The following MYO5A variants were observed in gnomAD, a reference collection of about 807,000 sequenced individuals.
MYO5A encodes the protein myosin VA.
In MYO5A, 98 loss-of-function variants were observed where a neutral mutation model predicts 249.7. That is an observed-to-expected ratio of 0.39 (90% CI 0.33 to 0.46). The LOEUF is 0.46. MYO5A is among the 20% of genes least tolerant of loss of function. The pLI, the probability that MYO5A is intolerant of heterozygous loss-of-function variation, is 0.98. For missense variants in MYO5A, 1,696 were observed against 2,308.8 expected, an observed-to-expected ratio of 0.73 and a Z score of 5.44; for synonymous variants, 778 against 810.6, an observed-to-expected ratio of 0.96 and a Z score of 0.68.
At chr15:52,479,174 T>C (rs2076663235) in intron 1 of MYO5A, among the ~76,000 whole-genome samples, 1 of 151,894 alleles carries the variant, frequency 6.6e-6, no homozygotes, top group African/African-American at 2.4e-5. Flanking sequence ...GATAGAGTTT[T>C]ACCATCTTAG....
chr15:52,327,738 G>C (rs1596295749), intron 36 of MYO5A, 114 bp downstream of exon 36: 2 of 1,130,718 alleles, frequency 1.8e-6, no homozygotes, highest in Admixed American at 3.4e-5. Flanking sequence ...AATAAAAATT[G>C]GAAAGTTTTA....
intron 29 of MYO5A, among the ~76,000 whole-genome samples, chr15:52,348,308 AG>A (rs60854422): frequency 0.98 from 149,147 of 152,254 alleles, 73,131 homozygotes; most frequent in Middle Eastern, 1. Context: ...ATAGAGAAAC[AG>A]GGATATGGTA....
rs981368664 is a variant in MYO5A, at chr15:52,493,812, A to G, written c.27+34968T>C. ...ACCGTGCATTCTGAGTTACTGTTAC[A>G]CAGCCTCCATAGACAAGAATTGAAG... On this transcript the variant is annotated intron_variant, in intron 1 of 41. Coordinates refer to ENST00000399233, the MANE Select transcript of MYO5A (RefSeq NM_001382347.1). Among the ~76,000 whole-genome samples, 5 of 152,230 alleles carry G rather than the reference A, an allele frequency of 3.3e-5. No individual in the cohort carries two copies. In the South Asian group the frequency reaches 1.0e-3, roughly 32 times the overall value.
At chr15:52,410,268 A>G (rs891798682) in intron 6 of MYO5A, 65 bp downstream of exon 6, 1 of 1,515,736 alleles carries the variant, frequency 6.6e-7, no homozygotes, top group African/African-American at 1.4e-5. Context: ...GCATACCAGC[A>G]AGCATGGACT....
intron 23 of MYO5A, among the ~76,000 whole-genome samples, chr15:52,365,313 C>T (rs3794564): frequency 0.19 from 29,346 of 152,156 alleles, 3,655 homozygotes; most frequent in East Asian, 0.56. Context: ...GTCATCCCCA[C>T]GCGCTGCTGA....
At chr15:52,483,257 C>T (rs1008241559) in intron 1 of MYO5A, among the ~76,000 whole-genome samples, 2 of 152,190 alleles carry the variant, frequency 1.3e-5, no homozygotes, top group Non-Finnish European at 2.9e-5. Context: ...GACCAGGCCA[C>T]ATCAAAAGGC....
rs143376204 is a variant in MYO5A, at chr15:52,344,644, C to A, written c.3960-1447G>T. On this transcript the variant is annotated intron_variant, in intron 30 of 41. Coordinates refer to ENST00000399233, the MANE Select transcript of MYO5A (RefSeq NM_001382347.1). ...TTATGCTTCCAATTTTGTTCTACTGCAGTCTATTCTCTAACATAACAGCCA... is the reference window on the plus strand; with the variant it reads ...TTATGCTTCCAATTTTGTTCTACTGAAGTCTATTCTCTAACATAACAGCCA... Among the ~76,000 whole-genome samples, 169 of 152,334 alleles carry A rather than the reference C, an allele frequency of 1.1e-3. No homozygotes were observed. The Middle Eastern group carries it at 0.027, about 25-fold the overall frequency.
intron 33 of MYO5A, 66 bp from the exon 34 acceptor site, chr15:52,336,622 A>G (rs1366735473): frequency 8.0e-6 from 9 of 1,128,544 alleles, no homozygotes; most frequent in Non-Finnish European, 1.0e-5. Flanking sequence ...CATCAAAGGA[A>G]AATAGACACA....
intron 22 of MYO5A, among the ~76,000 whole-genome samples, chr15:52,368,343 C>T (rs1315395288): frequency 1.3e-5 from 2 of 152,140 alleles, no homozygotes; most frequent in Non-Finnish European, 2.9e-5. Context: ...TCAGGAGAGG[C>T]TCTTGTTTGG....
At chr15:52,497,198 G>T (rs2077055220) in intron 1 of MYO5A, among the ~76,000 whole-genome samples, 2 of 152,230 alleles carry the variant, frequency 1.3e-5, no homozygotes, top group East Asian at 3.9e-4. Context: ...CTGAGATCAA[G>T]GGATCCACCC....
At chr15:52,357,074 C>A (rs2040265909) in intron 25 of MYO5A, among the ~76,000 whole-genome samples, 1 of 151,946 alleles carries the variant, frequency 6.6e-6, no homozygotes, top group Non-Finnish European at 1.5e-5. Context: ...CCTGACTTAG[C>A]AGAACAGATA....
At chr15:52,498,969 A>G (rs1224993888) in intron 1 of MYO5A, among the ~76,000 whole-genome samples, 1 of 152,236 alleles carries the variant, frequency 6.6e-6, no homozygotes, top group African/African-American at 2.4e-5. Context: ...AATTCCATAA[A>G]GCATATCAAA....
At chr15:52,521,706 A>G (rs548225854) in intron 1 of MYO5A, among the ~76,000 whole-genome samples, 1 of 152,370 alleles carries the variant, frequency 6.6e-6, no homozygotes, top group East Asian at 1.9e-4. Flanking sequence ...GTACAAGGAG[A>G]TATTTAACGC....
intron 38 of MYO5A, among the ~76,000 whole-genome samples, chr15:52,320,795 C>G (rs2038263065): frequency 6.6e-6 from 1 of 152,128 alleles, no homozygotes; most frequent in Non-Finnish European, 1.5e-5. Flanking sequence ...GAGTGGCTCA[C>G]AAGGTCAGGA....
At chr15:52,420,826 G>A (rs1459792405) in intron 4 of MYO5A, among the ~76,000 whole-genome samples, 1 of 152,170 alleles carries the variant, frequency 6.6e-6, no homozygotes, top group Non-Finnish European at 1.5e-5. Flanking sequence ...AGATCTGTTA[G>A]AATAGGGCCA....
At chr15:52,327,518 G>T (rs1457213111) in intron 36 of MYO5A, among the ~76,000 whole-genome samples, 2 of 152,090 alleles carry the variant, frequency 1.3e-5, no homozygotes, top group African/African-American at 4.8e-5. Flanking sequence ...GACCAGCCTG[G>T]GCAACATAGT....
At chr15:52,389,075 G>C (rs1390601836) in intron 13 of MYO5A, among the ~76,000 whole-genome samples, 163 bp downstream of exon 13, 1 of 151,906 alleles carries the variant, frequency 6.6e-6, no homozygotes, top group Non-Finnish European at 1.5e-5. Context: ...CTCAATTTAG[G>C]TTAAAGGAAG....
chr15:52,331,610 G>A lies in MYO5A; in HGVS notation c.4409-1111C>T, dbSNP rs1318882312. 3 of 928,294 alleles carry A rather than the reference G, an allele frequency of 3.2e-6. No individual in the cohort carries two copies. In the African/African-American group the frequency reaches 5.4e-5, roughly 17 times the overall value. The allele number at this position is 928,294 out of a possible 1,614,324, so 57.5% of individuals were successfully genotyped here. ...TTGCTGACTCCACGAGGTGTCAGTA[G>A]TGCTTCTTGTGTCACTCTGGGTAAT... On this transcript the variant is annotated intron_variant, in intron 34 of 41. Coordinates refer to ENST00000399233, the MANE Select transcript of MYO5A (RefSeq NM_001382347.1).
In MYO5A at chr15:52,410,428, C is replaced by T; in HGVS notation, c.661G>A (p.Gly221Arg). 1.2e-6 allele frequency: 2 copies of T among 1,613,528 alleles called. No homozygotes were observed. The highest frequency in any genetic ancestry group is 1.7e-6 in the Non-Finnish European group (2 of 1,179,608). ...TCAAAACCAATCTCAATATACTTCC[C>T]AAAACGGCTGCTATTATCATTCCTG... ...TTRNDNSSRF[G>R]KYIEIGFDKR... Residue 221 changes from glycine to arginine, a missense_variant, in exon 6 of 42, where the codon GGG becomes AGG. By Grantham distance (125) the Gly-to-Arg change is moderately radical (BLOSUM62 -2). Around this residue, in one of 5 missense-constraint regions of MYO5A, gnomAD observed 197 missense variants for 320.3 expected, o/e 0.62. Transcript: ENST00000399233.
Sources: allele counts gnomAD v4.1 joint callset (sites outside exome capture counted in the v4.1 genomes callset), GRCh38; gene constraint gnomAD v4.1.1; regional missense constraint gnomAD v4.1.1; transcripts MANE v1.5; gene names NCBI Gene and HGNC (gene_info 2026-07-23, HGNC 2026-07-21).